The following KCNMB2 variants were observed in gnomAD, a reference collection of about 807,000 sequenced individuals.
KCNMB2 encodes potassium calcium-activated channel subfamily M regulatory beta subunit 2.
In KCNMB2, 9 loss-of-function variants were observed where a neutral mutation model predicts 24.5. The observed-to-expected ratio is 0.37, with a 90% CI of 0.22 to 0.64. KCNMB2 has a LOEUF of 0.64. KCNMB2 is among the 30% of genes least tolerant of loss of function. The pLI is 0.63. For synonymous variants in KCNMB2, 109 were observed against 104.4 expected (o/e 1.04, Z -0.27); for missense variants, 226 against 284.3 (o/e 0.79, Z 1.47).
chr3:178,719,938 T>A (rs887164451), intron 1 of KCNMB2, among the ~76,000 whole-genome samples: 4 of 152,116 alleles, frequency 2.6e-5, no homozygotes, highest in Admixed American at 2.6e-4. Flanking sequence ...TTGTCCAGAA[T>A]AACATAAATG....
intron 1 of KCNMB2, among the ~76,000 whole-genome samples, chr3:178,756,442 T>G (rs1321470846): frequency 6.6e-6 from 1 of 152,184 alleles, no homozygotes; most frequent in Non-Finnish European, 1.5e-5. Flanking sequence ...CCTTGTTTTA[T>G]GTGTGTTTTA....
At chr3:178,693,621 T>C (rs748059829) in intron 1 of KCNMB2, among the ~76,000 whole-genome samples, 1 of 152,146 alleles carries the variant, frequency 6.6e-6, no homozygotes, top group Non-Finnish European at 1.5e-5. Context: ...GGTGAACAAG[T>C]TGTTGATATG....
At chr3:178,645,843 A>C (rs1040095289) in intron 1 of KCNMB2, among the ~76,000 whole-genome samples, 1 of 152,204 alleles carries the variant, frequency 6.6e-6, no homozygotes, top group African/African-American at 2.4e-5. Context: ...ATATGTGTCC[A>C]AAAAGCCTCA....
chr3:178,541,230 T>A (rs1249257276), intron 1 of KCNMB2, among the ~76,000 whole-genome samples: 2 of 152,162 alleles, frequency 1.3e-5, no homozygotes, highest in African/African-American at 4.8e-5. Flanking sequence ...AAATAAAAAT[T>A]CAATTTGTCT....
chr3:178,695,248 AG>A (rs1721832446), intron 1 of KCNMB2, among the ~76,000 whole-genome samples: 1 of 152,202 alleles, frequency 6.6e-6, no homozygotes, highest in African/African-American at 2.4e-5. Flanking sequence ...GGCACAGAGC[AG>A]GGGGGCCCTG....
intron 4 of KCNMB2, among the ~76,000 whole-genome samples, chr3:178,831,027 T>C (rs865813868): frequency 3.3e-5 from 5 of 152,174 alleles, no homozygotes; most frequent in African/African-American, 1.2e-4. Context: ...AATGTCATTC[T>C]AGGTGTACTA....
chr3:178,832,131 T>C (rs1364772310), intron 4 of KCNMB2, among the ~76,000 whole-genome samples: 3 of 152,180 alleles, frequency 2.0e-5, no homozygotes, highest in African/African-American at 7.2e-5. Context: ...TCTTTACTAG[T>C]ATTTATTTTA....
intron 1 of KCNMB2, among the ~76,000 whole-genome samples, chr3:178,734,556 T>C (rs1395871886): frequency 6.6e-6 from 1 of 152,212 alleles, no homozygotes. Context: ...GCTTGAATGT[T>C]GGCATGCACA....
At chr3:178,611,456 G>C (rs1048098308) in intron 1 of KCNMB2, among the ~76,000 whole-genome samples, 1 of 152,126 alleles carries the variant, frequency 6.6e-6, no homozygotes, top group Non-Finnish European at 1.5e-5. Context: ...TGTAATCCCA[G>C]CACTTTAGGA....
chr3:178,549,518 G>A (rs113271674), intron 1 of KCNMB2, among the ~76,000 whole-genome samples: 1,585 of 140,930 alleles, frequency 0.011, 35 homozygotes, highest in African/African-American at 0.039. Flanking sequence ...GTAGAGATGA[G>A]GTTTCACTAT....
intron 1 of KCNMB2, among the ~76,000 whole-genome samples, chr3:178,801,318 C>A (rs913518293): frequency 6.6e-6 from 1 of 152,022 alleles, no homozygotes; most frequent in African/African-American, 2.4e-5. Flanking sequence ...CTATACTATG[C>A]ACCCATAAAA....
At chr3:178,812,327 G>A (rs1054817613) in intron 2 of KCNMB2, among the ~76,000 whole-genome samples, 10 of 151,320 alleles carry the variant, frequency 6.6e-5, no homozygotes, top group Non-Finnish European at 1.3e-4. Context: ...ATGATGGTGT[G>A]CTGCACCCAT....
chr3:178,818,260 T>G (rs1337489027), intron 2 of KCNMB2, among the ~76,000 whole-genome samples: 1 of 152,160 alleles, frequency 6.6e-6, no homozygotes, highest in Non-Finnish European at 1.5e-5. Context: ...CTAAATCTAT[T>G]TGTTTGTTTG....
intron 1 of KCNMB2, among the ~76,000 whole-genome samples, chr3:178,788,906 C>T (rs972102974): frequency 6.6e-6 from 1 of 152,152 alleles, no homozygotes; most frequent in Non-Finnish European, 1.5e-5. Context: ...TCAATATGTT[C>T]CCAACACCCA....
chr3:178,807,834 G>A (rs774064913), intron 2 of KCNMB2, among the ~76,000 whole-genome samples: 11 of 151,842 alleles, frequency 7.2e-5, no homozygotes, highest in Admixed American at 2.0e-4. Flanking sequence ...GGCACATGGC[G>A]CTCAATAAAT....
chr3:178,810,422 G>A (rs182809481), intron 2 of KCNMB2, among the ~76,000 whole-genome samples: 21 of 152,108 alleles, frequency 1.4e-4, no homozygotes, highest in African/African-American at 2.7e-4. Context: ...TCAGTATATC[G>A]GATTCCCTGG....
At chr3:178,580,602 G>T (rs1233917613) in intron 1 of KCNMB2, among the ~76,000 whole-genome samples, 1 of 152,050 alleles carries the variant, frequency 6.6e-6, no homozygotes, top group Non-Finnish European at 1.5e-5. Flanking sequence ...TGACATGATT[G>T]TGTATTTAGA....
chr3:178,626,848 T>C (rs536897278), intron 1 of KCNMB2, among the ~76,000 whole-genome samples: 1 of 149,564 alleles, frequency 6.7e-6, no homozygotes, highest in South Asian at 2.1e-4. Flanking sequence ...TAAGTATATA[T>C]ATAACTTATA....
At chr3:178,778,458 A>ACACACGCGCG (rs1194364274) in intron 1 of KCNMB2, among the ~76,000 whole-genome samples, 7 of 37,080 alleles carry the variant, frequency 1.9e-4, no homozygotes, top group South Asian at 1.8e-3. Context: ...CCTTTAAGAC[A>ACACACGCGCG]CACACACACA....
Sources: allele counts gnomAD v4.1 joint callset (sites outside exome capture counted in the v4.1 genomes callset), GRCh38; gene constraint gnomAD v4.1.1; transcripts MANE v1.5; gene names NCBI Gene and HGNC (gene_info 2026-07-23, HGNC 2026-07-21).